Variants in EMC8 observed in about 807,000 individuals in gnomAD.
The protein encoded by EMC8 is ER membrane protein complex subunit 8.
In EMC8, 11 loss-of-function variants were observed where a neutral mutation model predicts 24.3. That is an observed-to-expected ratio of 0.45 (90% CI 0.28 to 0.75). The LOEUF is 0.75. Ranked by LOEUF, EMC8 falls within the 30% of genes least tolerant of loss-of-function variation. EMC8 has a pLI of 0.12. For synonymous variants in EMC8, 145 were observed against 117.7 expected (o/e 1.23, Z -1.50); for missense variants, 277 against 282.7 (o/e 0.98, Z 0.14).
chr16:85,779,659 T>C lies in EMC8; in HGVS notation c.*49A>G, dbSNP rs1265272861. On this transcript the variant is annotated 3_prime_UTR_variant, in exon 5 of 5. Transcript: ENST00000253457. ...TATTTACATTTAAAAATAGGTTTTC[T>C]TCTTCAACGTAGTGGAAAGGCCCGG... 3 of 1,575,146 alleles carry C rather than the reference T, an allele frequency of 1.9e-6. No individual in the cohort carries two copies. The highest frequency in any genetic ancestry group is 3.4e-5 in the Admixed American group (2 of 58,934).
At chr16:85,781,078 G>A (rs1208651210) in intron 3 of EMC8, 133 bp downstream of exon 3, 24 of 649,898 alleles carry the variant, frequency 3.7e-5, no homozygotes, top group Non-Finnish European at 6.1e-5. Context: ...AGAGAAAACT[G>A]CAAGAGGCGG....
At chr16:85,789,469 G>A (rs1904905163) in intron 1 of EMC8, among the ~76,000 whole-genome samples, 1 of 152,126 alleles carries the variant, frequency 6.6e-6, no homozygotes. Context: ...TAGAAACAGA[G>A]CCAGAAGGGA....
At chr16:85,781,348 AAC>A (rs1197731376) in intron 2 of EMC8, 68 bp from the exon 3 acceptor site, 1 of 987,142 alleles carries the variant, frequency 1.0e-6, no homozygotes, top group Non-Finnish European at 1.6e-6. Context: ...AGGCACAGTC[AAC>A]ACCACTGAGA....
At position 85,795,792 on chromosome 16, in the gene EMC8, C is replaced by T. The variant is rs369010379; in HGVS notation, c.231+3273G>A. Among the ~76,000 whole-genome samples, 82 of 152,282 alleles carry T rather than the reference C, an allele frequency of 5.4e-4. No homozygotes were observed. The South Asian group carries it at 0.016, about 30-fold the overall frequency. On this transcript the variant is annotated intron_variant, in intron 1 of 4. Transcript: ENST00000253457. ...TCCAAACAGGAAGCCATGGAAACCC[C>T]ACCTTGAAGCTGGTGGGTCAGAGGT... is the stretch of plus-strand genomic sequence containing the variant.
intron 2 of EMC8, chr16:85,781,646 A>G (rs1904507682): frequency 1.2e-5 from 2 of 166,810 alleles, no homozygotes; most frequent in South Asian, 1.4e-4. Flanking sequence ...GAGAGGAGGT[A>G]TTGCTATGTT....
intron 1 of EMC8, among the ~76,000 whole-genome samples, chr16:85,796,362 CA>C (rs1381213479): frequency 6.6e-6 from 1 of 152,160 alleles, no homozygotes; most frequent in Non-Finnish European, 1.5e-5. Context: ...TGGATTCTCC[CA>C]CCTGCTCTCT....
chr16:85,784,997 G>A (rs1216024080), intron 2 of EMC8: 1 of 152,238 alleles, frequency 6.6e-6, no homozygotes, highest in Non-Finnish European at 1.5e-5. Context: ...GCCCAGGCTG[G>A]AGTACAGTGG....
In EMC8 at chr16:85,779,550, C is replaced by A. The variant is rs1051852366; in HGVS notation, c.*158G>T. The A allele has an allele frequency of 2.0e-5, 14 of 684,186 alleles. No homozygotes were observed. The highest frequency in any genetic ancestry group is 3.0e-5 in the Non-Finnish European group (12 of 406,286). 42.4% of individuals were successfully genotyped at this position (684,186 alleles called of 1,614,324 possible). On this transcript the variant is annotated 3_prime_UTR_variant, in exon 5 of 5. Transcript: ENST00000253457. ...TTCTAGAGACTCTGTGTTAAAAACA[C>A]GACCGACTGAACATTCTGCCCCCTT...
chr16:85,786,320 A>G (rs568172139), intron 2 of EMC8, among the ~76,000 whole-genome samples: 1 of 152,364 alleles, frequency 6.6e-6, no homozygotes, highest in South Asian at 2.1e-4. Context: ...ATTTTCAGCT[A>G]GGTCTGGCTG....
chr16:85,796,644 T>C (rs539850649), intron 1 of EMC8, among the ~76,000 whole-genome samples: 55 of 152,274 alleles, frequency 3.6e-4, no homozygotes, highest in African/African-American at 1.1e-3. Context: ...CACTCCATCC[T>C]ATTGCTCTCT....
At chr16:85,795,955 G>A (rs1316749520) in intron 1 of EMC8, among the ~76,000 whole-genome samples, 2 of 152,182 alleles carry the variant, frequency 1.3e-5, no homozygotes, top group South Asian at 2.1e-4. Context: ...CTATACATCC[G>A]GTCACACAAG....
intron 1 of EMC8, among the ~76,000 whole-genome samples, chr16:85,798,059 A>T (rs1272116916): frequency 1.3e-5 from 2 of 152,002 alleles, no homozygotes; most frequent in African/African-American, 4.8e-5. Flanking sequence ...AAACAAAAAC[A>T]TAAAAGCGTG....
intron 2 of EMC8, among the ~76,000 whole-genome samples, chr16:85,788,472 C>T (rs1904856551): frequency 6.6e-6 from 1 of 152,248 alleles, no homozygotes; most frequent in Non-Finnish European, 1.5e-5. Flanking sequence ...AAATTCTCAG[C>T]TTTGTTATTA....
At chr16:85,785,760 C>G (rs1904726016) in intron 2 of EMC8, among the ~76,000 whole-genome samples, 1 of 152,174 alleles carries the variant, frequency 6.6e-6, no homozygotes, top group African/African-American at 2.4e-5. Flanking sequence ...GAAGAGCCAG[C>G]TGCCAACTGA....
At chr16:85,781,084 G>A in intron 3 of EMC8, 127 bp downstream of exon 3, 1 of 666,902 alleles carries the variant, frequency 1.5e-6, no homozygotes, top group East Asian at 2.7e-5. Context: ...AACTGCAAGA[G>A]GCGGCAATGG....
intron 2 of EMC8, among the ~76,000 whole-genome samples, chr16:85,782,787 C>A (rs571007898): frequency 6.6e-6 from 1 of 152,340 alleles, no homozygotes; most frequent in East Asian, 1.9e-4. Context: ...ACCCACCACT[C>A]TCAGGCAGGC....
intron 1 of EMC8, among the ~76,000 whole-genome samples, chr16:85,794,843 G>A (rs917410314): frequency 2.0e-5 from 3 of 152,208 alleles, no homozygotes; most frequent in East Asian, 3.8e-4. Flanking sequence ...TGTCTACAGT[G>A]CAGACTGTAA....
intron 1 of EMC8, among the ~76,000 whole-genome samples, chr16:85,790,024 C>T (rs1329557087): frequency 6.6e-6 from 1 of 152,138 alleles, no homozygotes; most frequent in Non-Finnish European, 1.5e-5. Flanking sequence ...GATGCAGCTT[C>T]CTGCAGGTCT....
chr16:85,786,919 G>A (rs148129716), intron 2 of EMC8, among the ~76,000 whole-genome samples: 210 of 152,296 alleles, frequency 1.4e-3, no homozygotes, highest in African/African-American at 5.0e-3. Context: ...CATCAGGCAT[G>A]GATTTGCAGG....
Sources: gnomAD v4.1 joint callset for allele counts (sites outside exome capture counted in the v4.1 genomes callset) on GRCh38, gnomAD v4.1.1 for gene constraint, MANE v1.5 for transcripts, NCBI Gene and HGNC (gene_info 2026-07-23, HGNC 2026-07-21) for gene names.